SRGAP1: variants seen among roughly 807,000 people sequenced by gnomAD.
SRGAP1 encodes the protein SLIT-ROBO Rho GTPase activating protein 1, also known as SLIT-ROBO Rho GTPase-activating protein 1.
Under a neutral mutation model 121.9 loss-of-function variants are expected in SRGAP1, and 43 were observed. That is an observed-to-expected ratio of 0.35 (90% CI 0.28 to 0.46). The LOEUF is 0.46. SRGAP1 is among the 20% of genes least tolerant of loss of function. SRGAP1 has a pLI of 1.00. For missense variants in SRGAP1, 1,102 were observed against 1,350.9 expected, an observed-to-expected ratio of 0.82 and a Z score of 2.89; for synonymous variants, 447 against 485.4, an observed-to-expected ratio of 0.92 and a Z score of 1.04.
intron 1 of SRGAP1, among the ~76,000 whole-genome samples, chr12:63,949,760 AC>A (rs1284616677): frequency 6.6e-5 from 10 of 152,254 alleles, no homozygotes; most frequent in African/African-American, 2.4e-4. Flanking sequence ...GAATTTTATA[AC>A]TTTGAAGCAG....
Position 64,156,252 on chromosome 12 carries a change from GATT to G in SRGAP1, c.*13584_*13586del, listed in dbSNP as rs2037163529. 4.6e-5 allele frequency: 7 copies of G among 152,154 alleles called. No individual in the cohort carries two copies. The highest frequency in any genetic ancestry group is 4.6e-4 in the Admixed American group (7 of 15,276). The allele number at this position is 152,154 out of a possible 1,614,324, so 9.4% of individuals were successfully genotyped here. On this transcript the variant is annotated 3_prime_UTR_variant, in exon 22 of 22. Coordinates refer to ENST00000355086, the MANE Select transcript of SRGAP1 (RefSeq NM_020762.4). ...TCTTCATCAGAATTTATTGAATCCT[GATT>G]ATTTTTTCCTTAATGTTGATTTTGT...
intron 15 of SRGAP1, among the ~76,000 whole-genome samples, chr12:64,101,352 A>T (rs865862434): frequency 9.9e-5 from 9 of 90,954 alleles, no homozygotes; most frequent in Non-Finnish European, 1.7e-4. Flanking sequence ...TGTGTGTGTG[A>T]TGAGTAGTTA....
intron 4 of SRGAP1, among the ~76,000 whole-genome samples, chr12:64,025,678 T>A (rs1376990361): frequency 6.6e-6 from 1 of 152,218 alleles, no homozygotes; most frequent in African/African-American, 2.4e-5. Flanking sequence ...AAACACTCTA[T>A]TTAGGGACCT....
chr12:63,862,159 G>A (rs570759366), intron 1 of SRGAP1, among the ~76,000 whole-genome samples: 11 of 152,278 alleles, frequency 7.2e-5, no homozygotes, highest in African/African-American at 2.6e-4. Flanking sequence ...AGTCAAAGAA[G>A]AAATTATTAT....
chr12:64,098,779 C>T (rs897688056), intron 15 of SRGAP1, among the ~76,000 whole-genome samples: 10 of 152,228 alleles, frequency 6.6e-5, no homozygotes, highest in Admixed American at 3.9e-4. Flanking sequence ...TCTCCTGCTA[C>T]CCTACCATAT....
At chr12:63,885,538 C>T (rs1187203817) in intron 1 of SRGAP1, among the ~76,000 whole-genome samples, 5 of 152,306 alleles carry the variant, frequency 3.3e-5, no homozygotes, top group Middle Eastern at 3.4e-3. Flanking sequence ...AGGGTATGAT[C>T]TCAGACTAAC....
At chr12:63,934,537 C>T (rs191679244) in intron 1 of SRGAP1, among the ~76,000 whole-genome samples, 16 of 152,296 alleles carry the variant, frequency 1.1e-4, no homozygotes, top group African/African-American at 3.8e-4. Flanking sequence ...GCACAACCCA[C>T]TTTGCAACAA....
intron 1 of SRGAP1, among the ~76,000 whole-genome samples, chr12:63,969,403 C>T (rs144526976): frequency 6.6e-6 from 1 of 152,070 alleles, no homozygotes; most frequent in Non-Finnish European, 1.5e-5. Flanking sequence ...AAAAAGAAAT[C>T]GTGCTTTTGT....
chr12:64,123,724 G>C (rs551149115), intron 18 of SRGAP1, among the ~76,000 whole-genome samples: 1 of 151,024 alleles, frequency 6.6e-6, no homozygotes, highest in Non-Finnish European at 1.5e-5. Context: ...GTTCAGACTG[G>C]TCTCCAACTC....
chr12:63,987,096 C>T (rs529540462), intron 2 of SRGAP1, among the ~76,000 whole-genome samples: 5 of 152,284 alleles, frequency 3.3e-5, no homozygotes, highest in Admixed American at 2.6e-4. Context: ...TTTTATGACC[C>T]TTAAGTGAGA....
chr12:64,132,473 C>T (rs1014117432), intron 21 of SRGAP1, among the ~76,000 whole-genome samples: 17 of 152,214 alleles, frequency 1.1e-4, no homozygotes, highest in African/African-American at 3.4e-4. Context: ...AAAAGAGGAA[C>T]GTGTTGCCTC....
At chr12:63,954,384 A>G (rs1335768041) in intron 1 of SRGAP1, among the ~76,000 whole-genome samples, 1 of 152,150 alleles carries the variant, frequency 6.6e-6, no homozygotes, top group African/African-American at 2.4e-5. Flanking sequence ...CTTTCTCATT[A>G]AAAAGAAAAA....
At chr12:63,914,590 A>G (rs981182746) in intron 1 of SRGAP1, among the ~76,000 whole-genome samples, 1 of 152,212 alleles carries the variant, frequency 6.6e-6, no homozygotes, top group African/African-American at 2.4e-5. Flanking sequence ...TACCAATAAA[A>G]AGTCCTTGTA....
At position 63,951,152 on chromosome 12, in the gene SRGAP1, C is replaced by CTTTTTTTTTTTTTTTTTTTTT. The variant is rs58637983; in HGVS notation, c.68-32786_68-32766dup. 9.1e-5 allele frequency among the ~76,000 whole-genome samples: 4 copies of CTTTTTTTTTTTTTTTTTTTTT among 44,186 alleles called. 1 individual carries two copies. Among genetic ancestry groups the CTTTTTTTTTTTTTTTTTTTTT allele is most frequent in the African/African-American group, 3.4e-4 (4 of 11,922 alleles). 29.0% of individuals were successfully genotyped at this position (44,186 alleles called of 152,430 possible). A position where few individuals can be genotyped will look rare whatever the true frequency, so the allele number is the denominator to read the frequency against. On this transcript the variant is annotated intron_variant, in intron 1 of 21. Transcript: ENST00000355086. ...GGGCTGGTCCATGCCATTTAGAACT[C>CTTTTTTTTTTTTTTTTTTTTT]TTTTTTTTTTTTTTTTTTTTTTTTT...
At chr12:64,078,870 G>T in intron 8 of SRGAP1, 49 bp from the exon 9 acceptor site, 1 of 1,581,004 alleles carries the variant, frequency 6.3e-7, no homozygotes. Flanking sequence ...CCTGTTTGTG[G>T]GATTCATGAA....
chr12:64,102,689 G>A (rs984359134), intron 15 of SRGAP1, among the ~76,000 whole-genome samples: 1 of 152,066 alleles, frequency 6.6e-6, no homozygotes, highest in African/African-American at 2.4e-5. Flanking sequence ...TTTGTGATTG[G>A]CTTTCACTTA....
chr12:63,891,983 CAA>C (rs10716009), intron 1 of SRGAP1, among the ~76,000 whole-genome samples: 97 of 96,288 alleles, frequency 1.0e-3, no homozygotes, highest in East Asian at 4.0e-3. Context: ...AAGACTGTCT[CAA>C]AAAAAAAAAA....
At chr12:63,914,458 A>T (rs2030690132) in intron 1 of SRGAP1, among the ~76,000 whole-genome samples, 1 of 152,224 alleles carries the variant, frequency 6.6e-6, no homozygotes, top group Admixed American at 6.5e-5. Flanking sequence ...TTAATTTCTG[A>T]TGTCTCCCTA....
chr12:63,937,800 A>G (rs1216666797), intron 1 of SRGAP1, among the ~76,000 whole-genome samples: 1 of 152,262 alleles, frequency 6.6e-6, no homozygotes, highest in Non-Finnish European at 1.5e-5. Flanking sequence ...TCTAAATGCA[A>G]AGCCACAGCG....
Sources: allele counts gnomAD v4.1 joint callset (sites outside exome capture counted in the v4.1 genomes callset), GRCh38; gene constraint gnomAD v4.1.1; transcripts MANE v1.5; gene names NCBI Gene and HGNC (gene_info 2026-07-23, HGNC 2026-07-21).